The following GLB1L2 variants were observed in gnomAD, a reference collection of about 807,000 sequenced individuals.
The protein encoded by GLB1L2 is galactosidase beta 1 like 2.
Under a neutral mutation model 84.1 loss-of-function variants are expected in GLB1L2, and 68 were observed. That is an observed-to-expected ratio of 0.81 (90% confidence interval 0.67 to 0.99). The LOEUF (loss-of-function observed/expected upper bound fraction) is 0.99. Among genes scored for constraint, GLB1L2 ranks in the 50% least tolerant of loss-of-function variants. GLB1L2 has a pLI of 0.00. For synonymous variants in GLB1L2, 290 were observed against 318.0 expected (o/e 0.91, Z 0.94); for missense variants, 762 against 805.6 (o/e 0.95, Z 0.66).
intron 7 of GLB1L2, 54 bp from the exon 8 acceptor site, chr11:134,364,274 G>T: frequency 1.4e-6 from 2 of 1,448,072 alleles, no homozygotes; most frequent in Non-Finnish European, 1.9e-6. Context: ...CACCTAGAAG[G>T]TCCCTGGCTT....
intron 8 of GLB1L2, chr11:134,367,020 C>T (rs923839824): frequency 2.5e-5 from 14 of 561,124 alleles, no homozygotes; most frequent in Non-Finnish European, 3.5e-5. Flanking sequence ...TTTGCCATAT[C>T]GACTTTGGGA....
rs202106558 is a variant in GLB1L2 at position 134,356,358 on chromosome 11, A to G, written c.616A>G (p.Asn206Asp). The G allele has an allele frequency of 2.5e-6, 4 of 1,613,952 alleles. No individual in the cohort carries two copies. The highest frequency in any genetic ancestry group is 3.4e-6 in the Non-Finnish European group (4 of 1,179,836). The change falls in exon 6 of 19, where the codon AAT becomes GAT. Residue 206 changes from asparagine (N) to aspartate (D), a missense_variant. Coordinates refer to ENST00000535456, the MANE Select transcript of GLB1L2 (RefSeq NM_001370461.1). ...GGTGGAGAATGAATATGGTTCCTAT[A>G]ATAAAGACCCCGCATACATGCCCTA... ...VQVENEYGSY[N>D]KDPAYMPYVK...
At chr11:134,350,093 A>T (rs1292963347) in intron 5 of GLB1L2, among the ~76,000 whole-genome samples, 1 of 152,052 alleles carries the variant, frequency 6.6e-6, no homozygotes, top group Non-Finnish European at 1.5e-5. Flanking sequence ...TGGGGGAGGG[A>T]TGTGCAAGAA....
intron 2 of GLB1L2, among the ~76,000 whole-genome samples, chr11:134,344,023 G>A (rs1943508521): frequency 6.6e-6 from 1 of 152,150 alleles, no homozygotes; most frequent in Non-Finnish European, 1.5e-5. Context: ...GGAATTCCGG[G>A]GCTTCAGTAA....
intron 5 of GLB1L2, among the ~76,000 whole-genome samples, chr11:134,351,902 A>C (rs1954171502): frequency 6.6e-6 from 1 of 152,146 alleles, no homozygotes; most frequent in Admixed American, 6.5e-5. Context: ...ATGAGGGAAA[A>C]ATTAAGAAAT....
At position 134,373,643 on chromosome 11, in the gene GLB1L2, G is replaced by T. The variant is rs551382171; in HGVS notation, c.1508-78G>T. ...GCACCCCTCACCCCAGCTTCCCAGGGCTTCCCCTCGTGGCCCCGGCCCAGC... is the reference window on the plus strand; with the variant it reads ...GCACCCCTCACCCCAGCTTCCCAGGTCTTCCCCTCGTGGCCCCGGCCCAGC... On this transcript the variant is annotated intron_variant, in intron 15 of 18. Coordinates refer to ENST00000535456, the MANE Select transcript of GLB1L2 (RefSeq NM_001370461.1). 8.9e-6 allele frequency: 8 copies of T among 895,826 alleles called. No homozygotes were observed. In the South Asian group the frequency reaches 1.2e-4, roughly 13 times the overall value. 55.5% of individuals were successfully genotyped at this position (895,826 alleles called of 1,614,324 possible).
intron 5 of GLB1L2, among the ~76,000 whole-genome samples, chr11:134,347,961 C>CT (rs2136270344): frequency 6.6e-6 from 1 of 152,240 alleles, no homozygotes; most frequent in East Asian, 1.9e-4. Flanking sequence ...ATGGTACACA[C>CT]TTACTATTCA....
chr11:134,336,736 T>C (rs1040340466), intron 1 of GLB1L2, among the ~76,000 whole-genome samples: 1 of 150,912 alleles, frequency 6.6e-6, no homozygotes, highest in Non-Finnish European at 1.5e-5. Flanking sequence ...TCTTCATAGA[T>C]AAGTCCTATG....
At chr11:134,344,143 A>T (rs950706192) in intron 2 of GLB1L2, among the ~76,000 whole-genome samples, 6 of 152,324 alleles carry the variant, frequency 3.9e-5, no homozygotes, top group Non-Finnish European at 7.3e-5. Context: ...CTGGGGTCAG[A>T]GCGCCTGACC....
At chr11:134,350,454 A>G (rs1262084360) in intron 5 of GLB1L2, among the ~76,000 whole-genome samples, 1 of 152,126 alleles carries the variant, frequency 6.6e-6, no homozygotes, top group Non-Finnish European at 1.5e-5. Flanking sequence ...CCCTTCCCCA[A>G]ATGCACAGAT....
chr11:134,356,102 C>G (rs1309718343), intron 5 of GLB1L2, 199 bp from the exon 6 acceptor site: 2 of 688,074 alleles, frequency 2.9e-6, no homozygotes, highest in Middle Eastern at 2.4e-4. Context: ...TTATTTTAGT[C>G]AGTCTGGAGT....
At chr11:134,368,135 C>T (rs1238402847) in intron 9 of GLB1L2, among the ~76,000 whole-genome samples, 1 of 152,220 alleles carries the variant, frequency 6.6e-6, no homozygotes, top group African/African-American at 2.4e-5. Flanking sequence ...CTACTCAGTA[C>T]ATCATTGTTT....
chr11:134,332,291 C>G (rs888746500), intron 1 of GLB1L2, 144 bp downstream of exon 1: 2 of 559,456 alleles, frequency 3.6e-6, no homozygotes, highest in Admixed American at 3.4e-5. Flanking sequence ...CTCCCCAATA[C>G]CCCCGAGTTC....
At chr11:134,367,169 A>C in intron 8 of GLB1L2, 88 bp from the exon 9 acceptor site, 16 of 1,093,778 alleles carry the variant, frequency 1.5e-5, no homozygotes, top group Non-Finnish European at 2.1e-5. Context: ...TAGAGAGGGC[A>C]GAGATCCTGG....
rs111283899 is a variant in GLB1L2 at position 134,359,467 on chromosome 11, C to T, written c.733+326C>T. 78 of 215,506 alleles carry T rather than the reference C, an allele frequency of 3.6e-4. 1 individual carries two copies. The highest frequency in any genetic ancestry group is 1.6e-3 in the African/African-American group (68 of 43,784). 13.3% of individuals were successfully genotyped at this position (215,506 alleles called of 1,614,324 possible). A position where few individuals can be genotyped will look rare whatever the true frequency, so the allele number is the denominator to read the frequency against. On this transcript the variant is annotated intron_variant, in intron 7 of 18. Coordinates refer to ENST00000535456, the MANE Select transcript of GLB1L2 (RefSeq NM_001370461.1). ...CCGTTCTTCCCAGCTGCATGGGCCCCGAACCTGGTAGTGACTGTGAGCTCC... is the reference window on the plus strand; with the variant it reads ...CCGTTCTTCCCAGCTGCATGGGCCCTGAACCTGGTAGTGACTGTGAGCTCC...
chr11:134,357,744 C>G (rs371976959), intron 6 of GLB1L2, among the ~76,000 whole-genome samples: 1 of 152,218 alleles, frequency 6.6e-6, no homozygotes, highest in Non-Finnish European at 1.5e-5. Context: ...CTCTGTGGTC[C>G]GGAAGCTCTT....
intron 18 of GLB1L2, 43 bp from the exon 19 acceptor site, chr11:134,374,929 G>A (rs1313903239): frequency 1.3e-6 from 2 of 1,583,720 alleles, no homozygotes; most frequent in South Asian, 1.1e-5. Context: ...CTGGCTCCAG[G>A]ACAGACGTCA....
chr11:134,354,604 T>C (rs1206160197), intron 5 of GLB1L2, among the ~76,000 whole-genome samples: 1 of 152,132 alleles, frequency 6.6e-6, no homozygotes, highest in Non-Finnish European at 1.5e-5. Flanking sequence ...TCTTAATTTT[T>C]CCCTCATTTT....
At position 134,369,131 on chromosome 11, in the gene GLB1L2, C is replaced by A. The variant is rs539523985; in HGVS notation, c.1027+350C>A. Among the ~76,000 whole-genome samples, 5 of 152,258 alleles carry A rather than the reference C, an allele frequency of 3.3e-5. No homozygotes were observed. The East Asian group carries it at 7.7e-4, about 24-fold the overall frequency. ...CCTGCCTCCTTTAGGTTGAGAGTCCCAGAAAGTAGAAATTACACCTGCAGC... is the reference window on the plus strand; with the variant it reads ...CCTGCCTCCTTTAGGTTGAGAGTCCAAGAAAGTAGAAATTACACCTGCAGC... On this transcript the variant is annotated intron_variant, in intron 10 of 18. Coordinates refer to ENST00000535456, the MANE Select transcript of GLB1L2 (RefSeq NM_001370461.1).
Sources: allele counts gnomAD v4.1 joint callset (sites outside exome capture counted in the v4.1 genomes callset), GRCh38; gene constraint gnomAD v4.1.1; transcripts MANE v1.5; gene names NCBI Gene and HGNC (gene_info 2026-07-23, HGNC 2026-07-21).